The following PPP1R12B variants were observed in gnomAD, a reference collection of about 807,000 sequenced individuals.
The protein encoded by PPP1R12B is protein phosphatase 1 regulatory subunit 12B.
Under a neutral mutation model 126.1 loss-of-function variants are expected in PPP1R12B, and 76 were observed. That is an observed-to-expected ratio of 0.60 (90% confidence interval 0.50 to 0.73). The LOEUF is 0.73. Ranked by LOEUF, PPP1R12B falls within the 30% of genes least tolerant of loss-of-function variation. PPP1R12B has a pLI of 0.00. For missense variants in PPP1R12B, 1,052 were observed against 1,205.1 expected, an observed-to-expected ratio of 0.87 and a Z score of 1.88; for synonymous variants, 356 against 434.7, an observed-to-expected ratio of 0.82 and a Z score of 2.25.
chr1:202,408,846 T>TC (rs1252784017), intron 1 of PPP1R12B, among the ~76,000 whole-genome samples: 32 of 143,818 alleles, frequency 2.2e-4, no homozygotes, highest in East Asian at 1.6e-3. Flanking sequence ...TTTCTTTCTT[T>TC]TTTTTTTTTT....
Position 202,508,478 on chromosome 1 carries a change from G to C in PPP1R12B, c.2490+11656G>C, listed in dbSNP as rs1211240554. ...ATACCTAGCATAATACATAATACAA[G>C]TACTTATTATGGTCTTGGAGCTTAT... is the stretch of plus-strand genomic sequence containing the variant. On this transcript the variant is annotated intron_variant, in intron 18 of 23. Coordinates refer to ENST00000608999, the MANE Select transcript of PPP1R12B (RefSeq NM_002481.4). The surrounding 1 kb of genome is among the most constrained non-coding windows in gnomAD (Gnocchi z 4.5). 6.6e-6 allele frequency among the ~76,000 whole-genome samples: 1 copy of C among 152,110 alleles called. No homozygotes were observed. The highest frequency in any genetic ancestry group is 2.4e-5 in the African/African-American group (1 of 41,410).
At chr1:202,536,624 A>T (rs1684554427) in intron 18 of PPP1R12B, among the ~76,000 whole-genome samples, 1 of 152,198 alleles carries the variant, frequency 6.6e-6, no homozygotes, top group South Asian at 2.1e-4. Flanking sequence ...TCAATAATAA[A>T]TAACCTTAGC....
At chr1:202,371,170 C>T (rs1433306316) in intron 1 of PPP1R12B, among the ~76,000 whole-genome samples, 1 of 150,252 alleles carries the variant, frequency 6.7e-6, no homozygotes, top group Non-Finnish European at 1.5e-5. Context: ...TGTGCACCAC[C>T]ACACCCAGCT....
chr1:202,580,711 T>A lies in PPP1R12B; in HGVS notation c.*151T>A. On this transcript the variant is annotated 3_prime_UTR_variant, in exon 24 of 24. Coordinates refer to ENST00000608999, the MANE Select transcript of PPP1R12B (RefSeq NM_002481.4). ...CCTCTTCAGTCACCTCTATACACTC[T>A]ACATTTTCTCTGCACTTTCAATGCC... 1.6e-6 allele frequency: 1 copy of A among 623,334 alleles called. No homozygotes were observed. The allele number at this position is 623,334 out of a possible 1,614,324, so 38.6% of individuals were successfully genotyped here.
rs573915103 is a variant in PPP1R12B, at chr1:202,364,871, C to T, written c.291+15729C>T. Among the ~76,000 whole-genome samples, 9 of 152,176 alleles carry T rather than the reference C, an allele frequency of 5.9e-5. No homozygotes were observed. In the South Asian group the frequency reaches 6.2e-4, roughly 11 times the overall value. ...GATTACAGGCGTGAGCCACGGCGCCCGGCCTCATTTTAAAATTTTTTGTAG... is the reference window on the plus strand; with the variant it reads ...GATTACAGGCGTGAGCCACGGCGCCTGGCCTCATTTTAAAATTTTTTGTAG... On this transcript the variant is annotated intron_variant, in intron 1 of 23. Transcript: ENST00000608999.
In PPP1R12B at chr1:202,488,538, A is replaced by G. The variant is rs140298770; in HGVS notation, c.1856A>G (p.Tyr619Cys). The change falls in exon 14 of 24, where the codon TAT (tyrosine) becomes TGT (cysteine). Residue 619 changes from tyrosine (Y) to cysteine (C), a missense_variant. Physicochemically the swap from Tyr to Cys is radical, Grantham distance 194. Transcript: ENST00000608999. ...TTACTTTTTTTTCTCTGCAGGTCCTATCTGACTCCTGTACGGGATGAGGAA... is the reference window on the plus strand; with the variant it reads ...TTACTTTTTTTTCTCTGCAGGTCCTGTCTGACTCCTGTACGGGATGAGGAA... Reference protein sequence around the residue: ...SVEAREKRRSYLTPVRDEEAE... With the variant: ...SVEAREKRRSCLTPVRDEEAE... The G allele has an allele frequency of 1.8e-5, 29 of 1,608,262 alleles. No individual in the cohort carries two copies. The highest frequency in any genetic ancestry group is 2.1e-5 in the Non-Finnish European group (25 of 1,175,958).
rs1252834822 is a variant in PPP1R12B, at chr1:202,583,197, TTCTC to T, written c.*2638_*2641del. 1 of 152,202 alleles carries T rather than the reference TTCTC, an allele frequency of 6.6e-6. No individual in the cohort carries two copies. Among genetic ancestry groups the T allele is most frequent in the Non-Finnish European group, 1.5e-5 (1 of 68,046 alleles). The allele number at this position is 152,202 out of a possible 1,614,324, so 9.4% of individuals were successfully genotyped here. ...ATTGGGGAAGGAAGATGATACTTCT[TTCTC>T]AAGAAAAGAAAATTGGATTATTAGG... On this transcript the variant is annotated 3_prime_UTR_variant, in exon 24 of 24. Coordinates refer to ENST00000608999, the MANE Select transcript of PPP1R12B (RefSeq NM_002481.4).
At chr1:202,393,218 G>C (rs1664410533) in intron 1 of PPP1R12B, among the ~76,000 whole-genome samples, 1 of 152,044 alleles carries the variant, frequency 6.6e-6, no homozygotes, top group Non-Finnish European at 1.5e-5. Context: ...AAAGCGCTGG[G>C]ATTACAAGAG....
chr1:202,564,357 G>A, intron 20 of PPP1R12B, 86 bp from the exon 21 acceptor site: 1 of 959,606 alleles, frequency 1.0e-6, no homozygotes, highest in Non-Finnish European at 1.6e-6. Flanking sequence ...TGGTGGCTTG[G>A]GGCACAGAGC....
At chr1:202,447,571 T>C (rs1239789657) in intron 12 of PPP1R12B, among the ~76,000 whole-genome samples, 1 of 152,240 alleles carries the variant, frequency 6.6e-6, no homozygotes, top group Non-Finnish European at 1.5e-5. Flanking sequence ...TCCTACTCCA[T>C]TGCATATCCT....
intron 13 of PPP1R12B, among the ~76,000 whole-genome samples, chr1:202,455,496 TTAATA>T (rs1187960174): frequency 6.6e-6 from 1 of 152,250 alleles, no homozygotes; most frequent in Non-Finnish European, 1.5e-5. Flanking sequence ...CTTCTTTTAC[TTAATA>T]TAATGTTTTC....
intron 1 of PPP1R12B, among the ~76,000 whole-genome samples, chr1:202,411,392 AC>A (rs1362231773): frequency 6.6e-6 from 1 of 152,030 alleles, no homozygotes; most frequent in Non-Finnish European, 1.5e-5. Context: ...CTGGGTGCAT[AC>A]TATTTTATTC....
chr1:202,396,776 C>CTAATTTTTG (rs1665047409), intron 1 of PPP1R12B, among the ~76,000 whole-genome samples: 2 of 152,094 alleles, frequency 1.3e-5, no homozygotes, highest in Admixed American at 1.3e-4. Context: ...TCATGCGTGG[C>CTAATTTTTG]TAATTTTTGT....
At chr1:202,550,622 G>A (rs1363231822) in intron 18 of PPP1R12B, among the ~76,000 whole-genome samples, 2 of 152,074 alleles carry the variant, frequency 1.3e-5, no homozygotes, top group Non-Finnish European at 1.5e-5. Context: ...ATACACATCT[G>A]TGTGAACCTA....
At chr1:202,496,935 T>A in intron 18 of PPP1R12B, 113 bp downstream of exon 18, 2 of 1,095,880 alleles carry the variant, frequency 1.8e-6, no homozygotes, top group Non-Finnish European at 2.7e-6. Context: ...AGAAGGAGTT[T>A]GGAGATAGAC....
intron 18 of PPP1R12B, among the ~76,000 whole-genome samples, chr1:202,540,717 A>G (rs1685036012): frequency 6.6e-6 from 1 of 152,224 alleles, no homozygotes; most frequent in Admixed American, 6.5e-5. Context: ...ATGTATGTAT[A>G]TGAGGTAGAG....
intron 8 of PPP1R12B, among the ~76,000 whole-genome samples, chr1:202,432,957 A>G (rs565767625): frequency 1.3e-5 from 2 of 152,146 alleles, no homozygotes; most frequent in Non-Finnish European, 1.5e-5. Context: ...GGAGAATACT[A>G]CCCTTCTTCA....
intron 1 of PPP1R12B, among the ~76,000 whole-genome samples, chr1:202,411,073 G>A (rs1667317651): frequency 1.3e-5 from 2 of 152,126 alleles, no homozygotes; most frequent in South Asian, 4.1e-4. Context: ...CCTGGAAACA[G>A]TTTTATAAGT....
At chr1:202,369,293 G>A (rs953447756) in intron 1 of PPP1R12B, among the ~76,000 whole-genome samples, 3 of 152,120 alleles carry the variant, frequency 2.0e-5, no homozygotes, top group East Asian at 1.9e-4. Context: ...TGAACACTAC[G>A]AATTAAGTCC....
Sources: allele counts gnomAD v4.1 joint callset (sites outside exome capture counted in the v4.1 genomes callset), GRCh38; gene constraint gnomAD v4.1.1; non-coding constraint Gnocchi (gnomAD v3.1); transcripts MANE v1.5; gene names NCBI Gene and HGNC (gene_info 2026-07-23, HGNC 2026-07-21).